Variants in ARL13B observed in about 807,000 individuals in gnomAD.
The protein encoded by ARL13B is ADP-ribosylation factor-like protein 13B.
A neutral mutation model predicts 56.1 loss-of-function variants in ARL13B; 36 were observed. The observed-to-expected ratio is 0.64, with a 90% confidence interval of 0.49 to 0.85. The LOEUF (loss-of-function observed/expected upper bound fraction) is 0.85. Ranked by LOEUF, ARL13B falls within the 40% of genes least tolerant of loss-of-function variation. The pLI is 0.00. For missense variants in ARL13B, 519 were observed against 507.1 expected, an observed-to-expected ratio of 1.02 and a Z score of -0.23; for synonymous variants, 178 against 171.1, an observed-to-expected ratio of 1.04 and a Z score of -0.32.
chr3:94,003,741 C>G lies in ARL13B; in HGVS notation c.213C>G (p.Asp71Glu), dbSNP rs1233581056. The change falls in exon 3 of 10, where the codon GAC becomes GAG. Residue 71 changes from aspartate (D) to glutamate (E), a missense_variant. Coordinates refer to ENST00000394222, the MANE Select transcript of ARL13B (RefSeq NM_001174150.2). ...RQGKFEVTIFDLGGGIRIRGI... is the reference protein window; with the variant it reads ...RQGKFEVTIFELGGGIRIRGI... ...GAAAGTTTGAAGTCACCATCTTTGA[C>G]TTGGGAGGTGGAATAAGAATTCGGG... is the stretch of plus-strand genomic sequence containing the variant. 1 of 1,613,520 alleles carries G rather than the reference C, an allele frequency of 6.2e-7. No homozygotes were observed. Among genetic ancestry groups the G allele is most frequent in the East Asian group, 2.2e-5 (1 of 44,826 alleles).
intron 4 of ARL13B, 105 bp from the exon 5 acceptor site, chr3:94,036,447 C>G: frequency 8.3e-7 from 1 of 1,197,778 alleles, no homozygotes; most frequent in Non-Finnish European, 1.2e-6. Flanking sequence ...ATATTATTAA[C>G]TTAAATGGCT....
rs113247778 is a variant in ARL13B, at chr3:93,990,728, C to A, written c.60-5146C>A. 1.3e-3 allele frequency among the ~76,000 whole-genome samples: 193 copies of A among 152,256 alleles called. 1 individual carries two copies. The Middle Eastern group carries it at 0.02, about 16-fold the overall frequency. On this transcript the variant is annotated intron_variant, in intron 1 of 9. Transcript: ENST00000394222. ...TGTATTGAGTTGTGACTATGTTCTTCTTTTGCTTAAGGCTGCTATGCTGAG... is the reference window on the plus strand; with the variant it reads ...TGTATTGAGTTGTGACTATGTTCTTATTTTGCTTAAGGCTGCTATGCTGAG...
intron 5 of ARL13B, among the ~76,000 whole-genome samples, chr3:94,037,054 G>T (rs939125345): frequency 6.6e-6 from 1 of 152,060 alleles, no homozygotes; most frequent in African/African-American, 2.4e-5. Context: ...AATGCACAGG[G>T]TAGTTTTTAA....
chr3:93,993,043 G>A (rs1191924556), intron 1 of ARL13B, among the ~76,000 whole-genome samples: 1 of 151,032 alleles, frequency 6.6e-6, no homozygotes, highest in African/African-American at 2.4e-5. Context: ...GAGCTCGAGT[G>A]ATCGGCCCTC....
chr3:94,034,006 A>G (rs1360612131), intron 3 of ARL13B, among the ~76,000 whole-genome samples: 2 of 152,168 alleles, frequency 1.3e-5, no homozygotes, highest in Admixed American at 6.5e-5. Context: ...ATTCAAAAAG[A>G]GTTAAGTGAT....
At chr3:94,046,039 C>T (rs933092678) in intron 7 of ARL13B, among the ~76,000 whole-genome samples, 3 of 147,938 alleles carry the variant, frequency 2.0e-5, no homozygotes, top group African/African-American at 7.5e-5. Context: ...AGAGGATAGA[C>T]ACAGAGATCA....
intron 3 of ARL13B, among the ~76,000 whole-genome samples, chr3:94,012,631 T>C (rs1171158387): frequency 6.6e-6 from 1 of 152,176 alleles, no homozygotes; most frequent in Non-Finnish European, 1.5e-5. Context: ...GGTAAAATTG[T>C]AAAAATAGTG....
At chr3:93,991,997 T>A (rs2075885417) in intron 1 of ARL13B, among the ~76,000 whole-genome samples, 1 of 152,196 alleles carries the variant, frequency 6.6e-6, no homozygotes, top group African/African-American at 2.4e-5. Context: ...GAAATAGAAT[T>A]ATTTTATGCC....
chr3:94,054,019 CTAAATGTTTTT>C lies in ARL13B; in HGVS notation c.*762_*772del, dbSNP rs199944243. On this transcript the variant is annotated 3_prime_UTR_variant, in exon 10 of 10. Transcript: ENST00000394222. ...ATGAGACTGGAAATACCTTTTGTAC[CTAAATGTTTTT>C]TAAATTAATCAAAATACATTCTGTG... 23 of 427,538 alleles carry C rather than the reference CTAAATGTTTTT, an allele frequency of 5.4e-5. No individual in the cohort carries two copies. The East Asian group carries it at 1.5e-3, about 28-fold the overall frequency. The allele number at this position is 427,538 out of a possible 1,614,324, so 26.5% of individuals were successfully genotyped here. A position where few individuals can be genotyped will look rare whatever the true frequency, so the allele number is the denominator to read the frequency against.
At position 94,054,912 on chromosome 3, in the gene ARL13B, G is replaced by T; in HGVS notation, c.*1649G>T. 1 of 268,438 alleles carries T rather than the reference G, an allele frequency of 3.7e-6. No individual in the cohort carries two copies. Among genetic ancestry groups the T allele is most frequent in the Non-Finnish European group, 7.4e-6 (1 of 135,384 alleles). The allele number at this position is 268,438 out of a possible 1,614,324, so 16.6% of individuals were successfully genotyped here. A position where few individuals can be genotyped will look rare whatever the true frequency, so the allele number is the denominator to read the frequency against. On this transcript the variant is annotated 3_prime_UTR_variant, in exon 10 of 10. Transcript: ENST00000394222. ...AGGATTTTAGAGGGAAAATTGCATA[G>T]CTTTTTGTAACATTTACTTAATTTT... is the stretch of plus-strand genomic sequence containing the variant.
chr3:94,023,151 A>C (rs2076485256), intron 3 of ARL13B, among the ~76,000 whole-genome samples: 1 of 152,072 alleles, frequency 6.6e-6, no homozygotes, highest in Admixed American at 6.5e-5. Context: ...ATGCAATGAT[A>C]ATTTTCATTA....
intron 3 of ARL13B, among the ~76,000 whole-genome samples, chr3:94,020,174 T>G (rs1168728767): frequency 6.6e-6 from 1 of 152,198 alleles, no homozygotes; most frequent in Non-Finnish European, 1.5e-5. Flanking sequence ...TAGAGGGTCT[T>G]TATTCTTTCC....
intron 3 of ARL13B, among the ~76,000 whole-genome samples, chr3:94,018,159 G>T (rs969399128): frequency 2.0e-5 from 3 of 151,842 alleles, no homozygotes; most frequent in African/African-American, 7.3e-5. Flanking sequence ...TGTCCTCCCA[G>T]AGTGCTAAGA....
At chr3:94,052,382 G>T (rs1036681480) in intron 9 of ARL13B, among the ~76,000 whole-genome samples, 1 of 152,118 alleles carries the variant, frequency 6.6e-6, no homozygotes, top group South Asian at 2.1e-4. Context: ...ATGGTGTACA[G>T]TTGGAGTACT....
chr3:94,008,791 A>G (rs1056178971), intron 3 of ARL13B, among the ~76,000 whole-genome samples: 1 of 152,066 alleles, frequency 6.6e-6, no homozygotes, highest in Non-Finnish European at 1.5e-5. Flanking sequence ...TAGGGTAACA[A>G]TTCTATTTGT....
intron 2 of ARL13B, among the ~76,000 whole-genome samples, chr3:94,001,477 T>G (rs1382267833): frequency 1.3e-5 from 2 of 152,200 alleles, no homozygotes; most frequent in Non-Finnish European, 2.9e-5. Flanking sequence ...CAATGAAGTC[T>G]TCATTTCAAG....
At chr3:94,043,323 T>A in intron 7 of ARL13B, 83 bp downstream of exon 7, 1 of 1,250,190 alleles carries the variant, frequency 8.0e-7, no homozygotes, top group Non-Finnish European at 1.1e-6. Flanking sequence ...TATGTTTGTT[T>A]TTACAAACGA....
intron 7 of ARL13B, among the ~76,000 whole-genome samples, chr3:94,049,147 C>A (rs2077027834): frequency 6.6e-6 from 1 of 151,982 alleles, no homozygotes; most frequent in Non-Finnish European, 1.5e-5. Flanking sequence ...TTCTGAAAAA[C>A]CTCTCAGAAA....
At chr3:94,023,795 G>C (rs2076499935) in intron 3 of ARL13B, among the ~76,000 whole-genome samples, 1 of 151,870 alleles carries the variant, frequency 6.6e-6, no homozygotes, top group Non-Finnish European at 1.5e-5. Flanking sequence ...ACTGTATTAT[G>C]TTACTAATAT....
Sources: gnomAD v4.1 joint callset for allele counts (sites outside exome capture counted in the v4.1 genomes callset) on GRCh38, gnomAD v4.1.1 for gene constraint, MANE v1.5 for transcripts, NCBI Gene and HGNC (gene_info 2026-07-23, HGNC 2026-07-21) for gene names.